TMPRSS6: variants seen among roughly 807,000 people sequenced by gnomAD.
The protein encoded by TMPRSS6 is transmembrane protease serine 6.
Under a neutral mutation model 101.5 loss-of-function variants are expected in TMPRSS6, and 67 were observed. That is an observed-to-expected ratio of 0.66 (90% confidence interval 0.54 to 0.81). TMPRSS6 has a LOEUF of 0.81. TMPRSS6 is among the 30% of genes least tolerant of loss of function. The pLI, the probability that TMPRSS6 is intolerant of heterozygous loss-of-function variation, is 0.00. For synonymous variants in TMPRSS6, 453 were observed against 464.9 expected (o/e 0.97, Z 0.33); for missense variants, 1,034 against 1,088.7 (o/e 0.95, Z 0.71).
At chr22:37,100,143 T>A (rs528435157) in intron 2 of TMPRSS6, among the ~76,000 whole-genome samples, 53 of 152,304 alleles carry the variant, frequency 3.5e-4, no homozygotes, top group Non-Finnish European at 6.5e-4. Context: ...AATTTTGTAT[T>A]TTTAGTAGAG....
chr22:37,096,021 G>A lies in TMPRSS6; in HGVS notation c.474C>T (p.Ser158=). Residue 158 remains serine, a synonymous_variant, in exon 5 of 18, where the codon AGC becomes AGT. Coordinates refer to ENST00000676104, the MANE Select transcript of TMPRSS6 (RefSeq NM_001374504.1). ...CCAGCAGTGCCTGCACCACCTCGGG[G>A]CTCAGCATCAGCCGGCGGTGCTCGG... is the stretch of plus-strand genomic sequence containing the variant. The part of the protein sequence containing the change: ...QIPEHRRLML[S]PEVVQALLVE... 8.1e-6 allele frequency: 13 copies of A among 1,614,242 alleles called. No individual in the cohort carries two copies. Among genetic ancestry groups the A allele is most frequent in the Non-Finnish European group, 1.1e-5 (13 of 1,180,048 alleles).
At chr22:37,086,555 A>C in intron 7 of TMPRSS6, 136 bp from the exon 8 acceptor site, 1 of 897,048 alleles carries the variant, frequency 1.1e-6, no homozygotes. Flanking sequence ...CCTACCAGAG[A>C]CCACTGTGTG....
In TMPRSS6 at chr22:37,069,384, G is replaced by T. The variant is rs1342159618; in HGVS notation, c.1842-40C>A. The T allele has an allele frequency of 6.7e-7, 1 of 1,503,294 alleles. No individual in the cohort carries two copies. The highest frequency in any genetic ancestry group is 2.0e-5 in the Admixed American group (1 of 50,670). The allele number at this position is 1,503,294 out of a possible 1,614,324, so 93.1% of individuals were successfully genotyped here. A position where few individuals can be genotyped will look rare whatever the true frequency, so the allele number is the denominator to read the frequency against. ...GGTGGGGTGGGGTGGGGTGAGGTGA[G>T]GTGGGAGGAAGCTGCCTCTCCCCAT... On this transcript the variant is annotated intron_variant, in intron 15 of 17. Transcript: ENST00000676104. This position sits in a 1 kb window ranked among gnomAD's most constrained non-coding sequence, Gnocchi z 4.8.
In TMPRSS6 at chr22:37,065,991, C is replaced by T; in HGVS notation, c.*89G>A. Reference sequence around the variant, plus strand: ...ACAGGGCCTGCTCTCTCCCCCACCCCCCGCCAGAATACTTGTCCCCCTGCT... The same window carrying T: ...ACAGGGCCTGCTCTCTCCCCCACCCTCCGCCAGAATACTTGTCCCCCTGCT... On this transcript the variant is annotated 3_prime_UTR_variant, in exon 18 of 18. Transcript: ENST00000676104. 1.3e-6 allele frequency: 2 copies of T among 1,573,936 alleles called. No homozygotes were observed. Among genetic ancestry groups the T allele is most frequent in the East Asian group, 2.2e-5 (1 of 44,556 alleles).
Position 37,103,135 on chromosome 22 carries a change from C to G in TMPRSS6, c.202+81G>C, listed in dbSNP as rs987056536. 9 of 1,468,998 alleles carry G rather than the reference C, an allele frequency of 6.1e-6. No individual in the cohort carries two copies. The highest frequency in any genetic ancestry group is 8.5e-6 in the Non-Finnish European group (9 of 1,056,828). 91.0% of individuals were successfully genotyped at this position (1,468,998 alleles called of 1,614,324 possible). A position where few individuals can be genotyped will look rare whatever the true frequency, so the allele number is the denominator to read the frequency against. On this transcript the variant is annotated intron_variant, in intron 2 of 17. Transcript: ENST00000676104. This position sits in a 1 kb window ranked among gnomAD's most constrained non-coding sequence, Gnocchi z 4.4. ...ATGCTAAGCACGGCTGAGCCTGGAACCCAGTCCTGTCCTGCTGTGCCTGCT... is the reference window on the plus strand; with the variant it reads ...ATGCTAAGCACGGCTGAGCCTGGAAGCCAGTCCTGTCCTGCTGTGCCTGCT...
chr22:37,094,431 A>AG (rs1929565742), intron 6 of TMPRSS6, among the ~76,000 whole-genome samples: 2 of 152,006 alleles, frequency 1.3e-5, no homozygotes, highest in Non-Finnish European at 2.9e-5. Flanking sequence ...AGATAGATAT[A>AG]AACAGACAGC....
At chr22:37,075,023 TCTC>T (rs1451033286) in intron 11 of TMPRSS6, 109 bp downstream of exon 11, 4 of 1,549,500 alleles carry the variant, frequency 2.6e-6, no homozygotes, top group Non-Finnish European at 3.6e-6. Flanking sequence ...ACACTCTCTC[TCTC>T]CTTTTGTTCA....
At chr22:37,073,438 G>T in intron 13 of TMPRSS6, 94 bp downstream of exon 13, 2 of 771,814 alleles carry the variant, frequency 2.6e-6, no homozygotes, top group Non-Finnish European at 4.6e-6. Flanking sequence ...GTTGGTGGGT[G>T]TTGAGAGGAG....
chr22:37,080,639 G>A (rs73415569), intron 10 of TMPRSS6, among the ~76,000 whole-genome samples: 3,253 of 152,354 alleles, frequency 0.021, 110 homozygotes, highest in African/African-American at 0.074. Flanking sequence ...GTTTGCAGGC[G>A]CCACCTCTGC....
rs137853122 is a variant in TMPRSS6, at chr22:37,084,339, A to C, written c.1152T>G (p.Tyr384Ter). 1 of 1,613,756 alleles carries C rather than the reference A, an allele frequency of 6.2e-7. No homozygotes were observed. The highest frequency in any genetic ancestry group is 8.5e-7 in the Non-Finnish European group (1 of 1,179,828). ...ACTGGCCCTGGGTGCACGGCAAATC[A>C]TACTTCTGCCTCCTCAGTGCATAGG... is the stretch of plus-strand genomic sequence containing the variant. ...FDAYALRRQK[Y>*]DLPCTQGQWT... Residue 384 changes from tyrosine to a stop codon, truncating the protein, a stop_gained, in exon 10 of 18, where the codon TAT becomes TAG. Transcript: ENST00000676104. LOFTEE classifies it high-confidence loss of function.
At chr22:37,090,924 G>A (rs192043900) in intron 6 of TMPRSS6, among the ~76,000 whole-genome samples, 6 of 152,234 alleles carry the variant, frequency 3.9e-5, no homozygotes, top group Admixed American at 1.3e-4. Flanking sequence ...AGCTGGCCCC[G>A]CCTGAGGCTC....
intron 10 of TMPRSS6, among the ~76,000 whole-genome samples, chr22:37,078,947 AG>A (rs71296615): frequency 4.0e-5 from 5 of 125,120 alleles, no homozygotes; most frequent in African/African-American, 6.5e-5. Context: ...GAGAAGGAGA[AG>A]GAGAAAAAGA....
chr22:37,103,379 C>G lies in TMPRSS6; in HGVS notation c.39G>C (p.Gln13His). The G allele has an allele frequency of 6.2e-7, 1 of 1,614,230 alleles. No homozygotes were observed. Among genetic ancestry groups the G allele is most frequent in the Non-Finnish European group, 8.5e-7 (1 of 1,180,038 alleles). Residue 13 changes from glutamine (Q) to histidine (H), a missense_variant, in exon 2 of 18, where the codon CAG (glutamine) becomes CAC (histidine). By Grantham distance (24) the Gln-to-His change is conservative. Transcript: ENST00000676104. This position sits in a 1 kb window ranked among gnomAD's most constrained non-coding sequence, Gnocchi z 4.4. Reference protein sequence around the residue: ...VAEAPQVAGGQGDGGDGEEAE... With the variant: ...VAEAPQVAGGHGDGGDGEEAE... ...CTTCCTCGCCATCACCTCCGTCCCC[C>G]TGCCCGCCAGCCACCTGGGGGGCCT...
At chr22:37,070,830 C>A (rs141684830) in intron 14 of TMPRSS6, 86 bp downstream of exon 14, 2 of 1,423,654 alleles carry the variant, frequency 1.4e-6, no homozygotes, top group Non-Finnish European at 9.8e-7. Flanking sequence ...GACCAGGGGA[C>A]AACAGTGAGA....
In TMPRSS6 at chr22:37,069,395, G is replaced by T; in HGVS notation, c.1842-51C>A. The T allele has an allele frequency of 6.7e-7, 1 of 1,487,330 alleles. No homozygotes were observed. The highest frequency in any genetic ancestry group is 9.0e-7 in the Non-Finnish European group (1 of 1,106,564). The allele number at this position is 1,487,330 out of a possible 1,614,324, so 92.1% of individuals were successfully genotyped here. A position where few individuals can be genotyped will look rare whatever the true frequency, so the allele number is the denominator to read the frequency against. On this transcript the variant is annotated intron_variant, in intron 15 of 17. Transcript: ENST00000676104. The surrounding 1 kb of genome is among the most constrained non-coding windows in gnomAD (Gnocchi z 4.8). The stretch of plus-strand genomic sequence containing the variant: ...GTGGGGTGAGGTGAGGTGGGAGGAA[G>T]CTGCCTCTCCCCATCCAGGGACCCT...
chr22:37,075,114 C>T (rs375536683), intron 11 of TMPRSS6, 21 bp downstream of exon 11: 1 of 1,613,620 alleles, frequency 6.2e-7, no homozygotes, highest in Non-Finnish European at 8.5e-7. Context: ...GCAGGGGGTT[C>T]CCCCGGCTGC....
chr22:37,107,538 C>G (rs900393942), intron 1 of TMPRSS6, among the ~76,000 whole-genome samples: 7 of 151,452 alleles, frequency 4.6e-5, no homozygotes, highest in Admixed American at 3.3e-4. Context: ...TCTGTCACCT[C>G]GACTCCTGCA....
rs1927451652 is a variant in TMPRSS6, at chr22:37,074,665, GAC to G, written c.1384_1385del (p.Val462ProfsTer4). The G allele has an allele frequency of 6.2e-7, 1 of 1,614,174 alleles. No individual in the cohort carries two copies. Among genetic ancestry groups the G allele is most frequent in the Non-Finnish European group, 8.5e-7 (1 of 1,180,004 alleles). On this transcript the variant is annotated frameshift_variant, in exon 12 of 18. Transcript: ENST00000676104. LOFTEE classifies it high-confidence loss of function. ...AGTCCTTGACCCCATCACAGGCAGG[GAC>G]ACAGAGTCCATTCACAGAACAGAGG... ...EFLCSVNGLC[V>X]PACDGVKDCP...
At chr22:37,093,857 T>A (rs921591768) in intron 6 of TMPRSS6, among the ~76,000 whole-genome samples, 14 of 151,628 alleles carry the variant, frequency 9.2e-5, no homozygotes, top group African/African-American at 3.4e-4. Flanking sequence ...ACCTCATCTC[T>A]TCTAAAAATA....
Sources: gnomAD v4.1 joint callset for allele counts (sites outside exome capture counted in the v4.1 genomes callset) on GRCh38, gnomAD v4.1.1 for gene constraint, Gnocchi (gnomAD v3.1) non-coding constraint, MANE v1.5 for transcripts, NCBI Gene and HGNC (gene_info 2026-07-23, HGNC 2026-07-21) for gene names.